The following SPECC1L variants were observed in gnomAD, a reference collection of about 807,000 sequenced individuals.
The protein encoded by SPECC1L is sperm antigen with calponin homology and coiled-coil domains 1 like, also known as cytospin-A.
A neutral mutation model predicts 116.8 loss-of-function variants in SPECC1L; 40 were observed. That is an observed-to-expected ratio of 0.34 (90% CI 0.27 to 0.45). The LOEUF is 0.45. Ranked by LOEUF, SPECC1L falls within the 20% of genes least tolerant of loss-of-function variation. The pLI, the probability that SPECC1L is intolerant of heterozygous loss-of-function variation, is 1.00. For missense variants in SPECC1L, 1,110 were observed against 1,373.6 expected, an observed-to-expected ratio of 0.81 and a Z score of 3.03; for synonymous variants, 504 against 500.6, an observed-to-expected ratio of 1.01 and a Z score of -0.09.
chr22:24,336,891 G>T (rs1188564391), intron 9 of SPECC1L, among the ~76,000 whole-genome samples: 1 of 152,096 alleles, frequency 6.6e-6, no homozygotes, highest in Non-Finnish European at 1.5e-5. Context: ...TACACATTCA[G>T]TACAGCATTC....
In SPECC1L at chr22:24,365,447, A is replaced by G. The variant is rs117892205; in HGVS notation, c.2828-29A>G. On this transcript the variant is annotated intron_variant, in intron 12 of 16. Coordinates refer to ENST00000314328, the MANE Select transcript of SPECC1L (RefSeq NM_015330.6). ...GAACTCAGTCTAAAATGTTTTTGCT[A>G]TAGAGTGCATAATGACTATTTCTCA... The G allele has an allele frequency of 2.8e-4, 454 of 1,611,780 alleles. 1 individual carries two copies. The East Asian group carries it at 4.2e-3, about 15-fold the overall frequency.
intron 4 of SPECC1L, among the ~76,000 whole-genome samples, chr22:24,315,384 T>C (rs2040539652): frequency 6.6e-6 from 1 of 152,272 alleles, no homozygotes; most frequent in Admixed American, 6.5e-5. Context: ...TGAGAAAGCT[T>C]AAGTGTCTTG....
Position 24,375,979 on chromosome 22 carries a change from C to CA in SPECC1L, c.3087+6667dup, listed in dbSNP as rs908217455. Among the ~76,000 whole-genome samples, 279 of 150,322 alleles carry CA rather than the reference C, an allele frequency of 1.9e-3. 1 individual carries two copies. Among genetic ancestry groups the CA allele is most frequent in the African/African-American group, 6.1e-3 (246 of 40,500 alleles). ...CAAACAAACAAACAAACAAAAAAAA[C>CA]AAAAAAAACCCACAGTTTTAACATT... On this transcript the variant is annotated intron_variant, in intron 14 of 16. Transcript: ENST00000314328.
chr22:24,322,968 A>C (rs1451284175), intron 5 of SPECC1L, 50 bp downstream of exon 5: 1 of 1,608,936 alleles, frequency 6.2e-7, no homozygotes. Flanking sequence ...GGCAGCTGCC[A>C]TGCACAGTGT....
In SPECC1L at chr22:24,276,503, C is replaced by T. The variant is rs866746285; in HGVS notation, c.-141-197C>T. On this transcript the variant is annotated intron_variant, in intron 1 of 16. Coordinates refer to ENST00000314328, the MANE Select transcript of SPECC1L (RefSeq NM_015330.6). ...AGCCATTATGCTGGACCCAGTGGTGCGCACCTGTAGTGCCAGCTTTTCAGG... is the reference window on the plus strand; with the variant it reads ...AGCCATTATGCTGGACCCAGTGGTGTGCACCTGTAGTGCCAGCTTTTCAGG... Among the ~76,000 whole-genome samples, 177 of 152,272 alleles carry T rather than the reference C, an allele frequency of 1.2e-3. 1 individual carries two copies. In the Middle Eastern group the frequency reaches 0.027, roughly 23 times the overall value.
intron 9 of SPECC1L, among the ~76,000 whole-genome samples, chr22:24,335,803 T>A (rs1402572554): frequency 6.6e-6 from 1 of 152,156 alleles, no homozygotes; most frequent in Admixed American, 6.5e-5. Context: ...TACTTAGTAC[T>A]GGCACAAGTA....
chr22:24,291,118 AAG>A (rs2049148002), intron 2 of SPECC1L, among the ~76,000 whole-genome samples: 1 of 152,356 alleles, frequency 6.6e-6, no homozygotes, highest in East Asian at 1.9e-4. Flanking sequence ...TTTGTGAAAT[AAG>A]AGAGATAAAT....
intron 8 of SPECC1L, among the ~76,000 whole-genome samples, chr22:24,330,963 AT>A (rs2040926105): frequency 6.6e-6 from 1 of 152,222 alleles, no homozygotes; most frequent in African/African-American, 2.4e-5. Flanking sequence ...TTTAGCTGGT[AT>A]TTTTGGAGAC....
In SPECC1L at chr22:24,415,802, C is replaced by T. The variant is rs2042790952; in HGVS notation, c.*1179C>T. ...CCATGCCCCCTGTGCCCACCCTCCC[C>T]AGGTGCTGGGTCCATGCTGTTTGAA... is the stretch of plus-strand genomic sequence containing the variant. On this transcript the variant is annotated 3_prime_UTR_variant, in exon 17 of 17. Transcript: ENST00000314328. 6.6e-6 allele frequency: 1 copy of T among 152,186 alleles called. No homozygotes were observed. 9.4% of individuals were successfully genotyped at this position (152,186 alleles called of 1,614,324 possible). A position where few individuals can be genotyped will look rare whatever the true frequency, so the allele number is the denominator to read the frequency against.
intron 14 of SPECC1L, among the ~76,000 whole-genome samples, chr22:24,377,387 C>G (rs1055199430): frequency 6.6e-6 from 1 of 152,168 alleles, no homozygotes; most frequent in Admixed American, 6.5e-5. Flanking sequence ...CTCAGCCTCC[C>G]AAGTAGCTGG....
chr22:24,384,288 G>A (rs897182338), intron 14 of SPECC1L, among the ~76,000 whole-genome samples: 1 of 152,118 alleles, frequency 6.6e-6, no homozygotes, highest in East Asian at 1.9e-4. Flanking sequence ...ATCAACAGCC[G>A]ATTTCTCAAT....
chr22:24,273,847 C>A (rs1249481911), intron 1 of SPECC1L, among the ~76,000 whole-genome samples: 2 of 152,232 alleles, frequency 1.3e-5, no homozygotes, highest in African/African-American at 4.8e-5. Context: ...CAACCTACGC[C>A]TCCCAGGTTC....
intron 2 of SPECC1L, among the ~76,000 whole-genome samples, chr22:24,281,213 A>C (rs2048936754): frequency 6.6e-6 from 1 of 152,222 alleles, no homozygotes; most frequent in Non-Finnish European, 1.5e-5. Flanking sequence ...AAAATTTCAA[A>C]CATTTACAAA....
chr22:24,304,395 A>G (rs2049447583), intron 3 of SPECC1L: 3 of 152,264 alleles, frequency 2.0e-5, no homozygotes, highest in Non-Finnish European at 4.4e-5. Context: ...CTTTTGATCC[A>G]GGACACTTCA....
chr22:24,373,971 A>G (rs970509738), intron 14 of SPECC1L, among the ~76,000 whole-genome samples: 9 of 152,368 alleles, frequency 5.9e-5, no homozygotes, highest in African/African-American at 2.2e-4. Context: ...GGATATGAAC[A>G]GACACTTCTC....
intron 11 of SPECC1L, among the ~76,000 whole-genome samples, chr22:24,352,081 A>G (rs1029872247): frequency 1.3e-4 from 20 of 152,032 alleles, no homozygotes; most frequent in African/African-American, 4.8e-4. Flanking sequence ...AAAATGTTTC[A>G]TACCAGAGAA....
In SPECC1L at chr22:24,347,193, A is replaced by G. The variant is rs200199534; in HGVS notation, c.2743+17A>G. ...CTGTTCAAGGTACGTGTAATATGCC[A>G]TAGCATTTCACCTTTTTTTCAATTT... On this transcript the variant is annotated intron_variant, in intron 11 of 16. Transcript: ENST00000314328. 26 of 1,584,562 alleles carry G rather than the reference A, an allele frequency of 1.6e-5. No homozygotes were observed. Among genetic ancestry groups the G allele is most frequent in the Admixed American group, 6.7e-5 (4 of 59,970 alleles).
intron 1 of SPECC1L, among the ~76,000 whole-genome samples, chr22:24,275,192 C>T (rs146394368): frequency 4.8e-4 from 73 of 152,312 alleles, no homozygotes; most frequent in African/African-American, 1.6e-3. Context: ...ACAATGAGAC[C>T]GTAAGTGTGT....
At chr22:24,276,264 A>G (rs1260598478) in intron 1 of SPECC1L, among the ~76,000 whole-genome samples, 1 of 152,124 alleles carries the variant, frequency 6.6e-6, no homozygotes, top group Non-Finnish European at 1.5e-5. Context: ...AACTTAAAGT[A>G]TAATAAAAAA....
Sources: gnomAD v4.1 joint callset for allele counts (sites outside exome capture counted in the v4.1 genomes callset) on GRCh38, gnomAD v4.1.1 for gene constraint, MANE v1.5 for transcripts, NCBI Gene and HGNC (gene_info 2026-07-23, HGNC 2026-07-21) for gene names.